Variants in NCALD observed in about 807,000 individuals in gnomAD.
NCALD encodes the protein neurocalcin-delta.
Under a neutral mutation model 18.6 loss-of-function variants are expected in NCALD, and 10 were observed. The observed-to-expected ratio is 0.54, with a 90% CI of 0.33 to 0.91. NCALD has a LOEUF of 0.91. Ranked by LOEUF, NCALD falls within the 40% of genes least tolerant of loss-of-function variation. The pLI, the probability that NCALD is intolerant of heterozygous loss-of-function variation, is 0.03. For missense variants in NCALD, 184 were observed against 247.6 expected (o/e 0.74, Z 1.72); for synonymous variants, 88 against 87.4 (o/e 1.01, Z -0.04).
At chr8:101,804,369 A>G (rs1563785889) in intron 4 of NCALD, among the ~76,000 whole-genome samples, 1 of 128,552 alleles carries the variant, frequency 7.8e-6, no homozygotes, top group African/African-American at 2.8e-5. Context: ...TATCAATTAT[A>G]TATTATATGT....
At chr8:101,952,519 G>A (rs1819468945) in intron 2 of NCALD, among the ~76,000 whole-genome samples, 1 of 152,162 alleles carries the variant, frequency 6.6e-6, no homozygotes, top group African/African-American at 2.4e-5. Context: ...GCCCTCCTGG[G>A]AGAATCATTT....
Position 101,688,602 on chromosome 8 carries a change from C to A in NCALD, c.*707G>T. On this transcript the variant is annotated 3_prime_UTR_variant, in exon 4 of 4. Transcript: ENST00000220931. The stretch of plus-strand genomic sequence containing the variant: ...CGTCTTTTTATTTTATCACAATAGG[C>A]AACAAGATGGGTCTGGTTTTGGAAT... 1 of 455,694 alleles carries A rather than the reference C, an allele frequency of 2.2e-6. No homozygotes were observed. The highest frequency in any genetic ancestry group is 4.4e-6 in the Non-Finnish European group (1 of 226,742). The allele number at this position is 455,694 out of a possible 1,614,324, so 28.2% of individuals were successfully genotyped here.
chr8:102,005,164 G>T lies in NCALD; in HGVS notation c.-157+15073C>A, dbSNP rs556836315. Among the ~76,000 whole-genome samples, 291 of 152,176 alleles carry T rather than the reference G, an allele frequency of 1.9e-3. 2 individuals carry two copies. Among genetic ancestry groups the T allele is most frequent in the African/African-American group, 6.8e-3 (282 of 41,512 alleles). On this transcript the variant is annotated intron_variant, in intron 2 of 6. Transcript: ENST00000311028. ...AGGGCTAATATCCAGAATCTACAAT[G>T]AACTCAAACAAATTTACAAGAAAAA... is the stretch of plus-strand genomic sequence containing the variant.
chr8:101,900,995 T>C (rs1817400079), intron 3 of NCALD, among the ~76,000 whole-genome samples: 1 of 152,068 alleles, frequency 6.6e-6, no homozygotes, highest in African/African-American at 2.4e-5. Flanking sequence ...TTGTTTCACA[T>C]ACTTTGCAGT....
chr8:101,956,205 T>C (rs540476878), intron 2 of NCALD, among the ~76,000 whole-genome samples: 4 of 152,308 alleles, frequency 2.6e-5, no homozygotes, highest in African/African-American at 9.6e-5. Flanking sequence ...AGAGACTTCA[T>C]TTGGCCAGCA....
At chr8:101,996,959 G>A (rs1258278214) in intron 2 of NCALD, among the ~76,000 whole-genome samples, 1 of 152,210 alleles carries the variant, frequency 6.6e-6, no homozygotes, top group Non-Finnish European at 1.5e-5. Context: ...CTGCCTGCTC[G>A]AACACTTTGC....
At chr8:102,083,622 T>A (rs1353601954) in intron 1 of NCALD, among the ~76,000 whole-genome samples, 3 of 152,190 alleles carry the variant, frequency 2.0e-5, no homozygotes, top group African/African-American at 2.4e-5. Context: ...TCCATCCCTA[T>A]CCCCTCCCAG....
chr8:101,973,889 T>C (rs1203017160), intron 2 of NCALD, among the ~76,000 whole-genome samples: 2 of 152,222 alleles, frequency 1.3e-5, no homozygotes, highest in Non-Finnish European at 2.9e-5. Flanking sequence ...AGTCACGCAC[T>C]GTACCAGGTG....
At chr8:101,919,737 A>G (rs963914496) in intron 2 of NCALD, among the ~76,000 whole-genome samples, 2 of 152,184 alleles carry the variant, frequency 1.3e-5, no homozygotes, top group Non-Finnish European at 2.9e-5. Context: ...ACATGTCCCA[A>G]AAGAAAACTA....
chr8:101,837,136 G>A (rs962177829), intron 4 of NCALD, among the ~76,000 whole-genome samples: 1 of 150,778 alleles, frequency 6.6e-6, no homozygotes, highest in African/African-American at 2.4e-5. Context: ...CACTTCACTG[G>A]TATGAGTTTT....
intron 1 of NCALD, among the ~76,000 whole-genome samples, chr8:102,087,333 C>A (rs796273261): frequency 6.6e-6 from 1 of 151,880 alleles, no homozygotes; most frequent in Non-Finnish European, 1.5e-5. Flanking sequence ...TTCTGGCAAA[C>A]CATGAAAGAG....
intron 1 of NCALD, among the ~76,000 whole-genome samples, chr8:102,046,103 C>T (rs1823229756): frequency 6.6e-6 from 1 of 152,210 alleles, no homozygotes; most frequent in Admixed American, 6.5e-5. Flanking sequence ...TCACCAATTA[C>T]ATTAAAGTAA....
chr8:101,703,036 T>G (rs918132488), intron 2 of NCALD, among the ~76,000 whole-genome samples: 6 of 152,346 alleles, frequency 3.9e-5, no homozygotes, highest in Admixed American at 3.3e-4. Context: ...AGAACCCTTT[T>G]GTTACAAAAC....
chr8:102,065,739 G>C (rs1282263535), intron 1 of NCALD, among the ~76,000 whole-genome samples: 1 of 152,092 alleles, frequency 6.6e-6, no homozygotes, highest in Non-Finnish European at 1.5e-5. Context: ...AGCACTTTGG[G>C]AGGCTGGGAG....
At chr8:101,726,689 G>T (rs1339870274) in intron 1 of NCALD, among the ~76,000 whole-genome samples, 2 of 152,240 alleles carry the variant, frequency 1.3e-5, no homozygotes, top group Middle Eastern at 3.4e-3. Flanking sequence ...TGTCAAGCAG[G>T]CAGTTGAATA....
chr8:101,735,033 C>G (rs1030878856), intron 1 of NCALD, among the ~76,000 whole-genome samples: 1 of 151,236 alleles, frequency 6.6e-6, no homozygotes, highest in Non-Finnish European at 1.5e-5. Context: ...GGAAGAAGAA[C>G]AAGAGGAAGG....
intron 1 of NCALD, among the ~76,000 whole-genome samples, chr8:101,739,611 C>T (rs145324529): frequency 3.4e-4 from 51 of 151,988 alleles, no homozygotes; most frequent in African/African-American, 1.1e-3. Context: ...ATGAGTCTTC[C>T]GGCTTCCATC....
intron 1 of NCALD, among the ~76,000 whole-genome samples, chr8:102,095,112 G>A (rs148598392): frequency 1.1e-4 from 16 of 152,304 alleles, no homozygotes; most frequent in African/African-American, 3.6e-4. Context: ...TAGCAATAAC[G>A]TATGTTTTGT....
At chr8:101,719,151 A>T in intron 2 of NCALD, 101 bp downstream of exon 2, 1 of 1,392,020 alleles carries the variant, frequency 7.2e-7, no homozygotes, top group Admixed American at 2.2e-5. Flanking sequence ...TGTCCTGGTG[A>T]CTCACCAGTT....
Sources: gnomAD v4.1 joint callset for allele counts (sites outside exome capture counted in the v4.1 genomes callset) on GRCh38, gnomAD v4.1.1 for gene constraint, MANE v1.5 for transcripts, NCBI Gene and HGNC (gene_info 2026-07-23, HGNC 2026-07-21) for gene names.